Variants in AADAT observed in about 807,000 individuals in gnomAD.
AADAT encodes kynurenine/alpha-aminoadipate aminotransferase, mitochondrial.
Under a neutral mutation model 56.2 loss-of-function variants are expected in AADAT, and 25 were observed. The ratio of observed to expected loss-of-function variants is 0.44; its 90% CI spans 0.32 to 0.62. The LOEUF is 0.62. AADAT is among the 20% of genes least tolerant of loss of function. The pLI, the probability that AADAT is intolerant of heterozygous loss-of-function variation, is 0.04. For synonymous variants in AADAT, 173 were observed against 164.7 expected (o/e 1.05, Z -0.39); for missense variants, 387 against 510.5 (o/e 0.76, Z 2.33).
At position 170,088,465 on chromosome 4, in the gene AADAT, T is replaced by C. The variant is rs1322027631; in HGVS notation, c.167A>G (p.Glu56Gly). 6.2e-7 allele frequency: 1 copy of C among 1,613,582 alleles called. No individual in the cohort carries two copies. Among genetic ancestry groups the C allele is most frequent in the Non-Finnish European group, 8.5e-7 (1 of 1,179,564 alleles). ...FPFKTAVITV[E>G]NGKTIQFGEE... ...TCCAAATTGGATGGTCTTTCCATTT[T>C]CTACAGTGATTACGGCAGTCTTAAA... Residue 56 changes from glutamate (E) to glycine (G), a missense_variant, in exon 2 of 13, where the codon GAA becomes GGA. Physicochemically the swap from Glu to Gly is moderately conservative, Grantham distance 98. Transcript: ENST00000337664.
chr4:170,081,638 GA>G (rs1732319785), intron 3 of AADAT, among the ~76,000 whole-genome samples: 1 of 152,116 alleles, frequency 6.6e-6, no homozygotes, highest in African/African-American at 2.4e-5. Flanking sequence ...TACAGGTCAG[GA>G]AAAAGAGAAA....
At chr4:170,065,969 A>T (rs1302275363) in intron 10 of AADAT, among the ~76,000 whole-genome samples, 1 of 152,220 alleles carries the variant, frequency 6.6e-6, no homozygotes, top group Non-Finnish European at 1.5e-5. Flanking sequence ...ACATTTTGCA[A>T]TCAAGTTAGC....
chr4:170,092,357 C>G (rs527903984), upstream of AADAT, among the ~76,000 whole-genome samples: 170 of 152,252 alleles, frequency 1.1e-3, 1 homozygote, highest in African/African-American at 3.9e-3. Flanking sequence ...CAAATCCAGC[C>G]GAGCTGTCTT....
At chr4:170,080,615 T>C (rs1163108391) in intron 3 of AADAT, among the ~76,000 whole-genome samples, 2 of 152,172 alleles carry the variant, frequency 1.3e-5, no homozygotes, top group Non-Finnish European at 2.9e-5. Context: ...GCAGGAGGAA[T>C]GTTCCAGAGG....
chr4:170,068,570 G>A (rs777630366), intron 8 of AADAT, 21 bp downstream of exon 8: 10 of 1,505,992 alleles, frequency 6.6e-6, no homozygotes, highest in African/African-American at 1.4e-5. Flanking sequence ...AAAAAAAATC[G>A]ATTTCCTAAA....
chr4:170,076,371 A>G lies in AADAT; in HGVS notation c.444+2138T>C, dbSNP rs370709556. On this transcript the variant is annotated intron_variant, in intron 4 of 12. Coordinates refer to ENST00000337664, the MANE Select transcript of AADAT (RefSeq NM_016228.4). ...GAGTCTTGCCAAATAATCAGACTGC[A>G]GGTACAGCAGTCACACATTGTAGAG... 1.8e-4 allele frequency among the ~76,000 whole-genome samples: 28 copies of G among 152,322 alleles called. No homozygotes were observed. In the East Asian group the frequency reaches 5.2e-3, roughly 28 times the overall value.
intron 3 of AADAT, among the ~76,000 whole-genome samples, chr4:170,086,668 T>G (rs1290041846): frequency 6.6e-6 from 1 of 152,240 alleles, no homozygotes; most frequent in Admixed American, 6.5e-5. Flanking sequence ...CAGTGTTCAC[T>G]AAGCTTTTGG....
intron 3 of AADAT, among the ~76,000 whole-genome samples, chr4:170,081,455 G>A (rs954708373): frequency 6.6e-6 from 1 of 152,090 alleles, no homozygotes; most frequent in Non-Finnish European, 1.5e-5. Context: ...ACAGAAGAAG[G>A]TCTGAGAACA....
intron 4 of AADAT, among the ~76,000 whole-genome samples, chr4:170,076,022 T>C (rs1466990688): frequency 1.3e-5 from 2 of 152,248 alleles, no homozygotes; most frequent in African/African-American, 4.8e-5. Flanking sequence ...TTCTACCTTT[T>C]GGCTACTGTA....
chr4:170,060,685 A>C lies in AADAT; in HGVS notation c.*243T>G, dbSNP rs1731149394. 2.8e-6 allele frequency: 1 copy of C among 357,456 alleles called. No individual in the cohort carries two copies. The highest frequency in any genetic ancestry group is 9.4e-5 in the South Asian group (1 of 10,628). 22.1% of individuals were successfully genotyped at this position (357,456 alleles called of 1,614,324 possible). Reference sequence around the variant, plus strand: ...ATACCAGTGTTCATTTCTTCCTGCCAAAACAAGAAATTTATTGGAAAAATC... The same window carrying C: ...ATACCAGTGTTCATTTCTTCCTGCCCAAACAAGAAATTTATTGGAAAAATC... On this transcript the variant is annotated 3_prime_UTR_variant, in exon 13 of 13. Coordinates refer to ENST00000337664, the MANE Select transcript of AADAT (RefSeq NM_016228.4).
chr4:170,087,041 G>A (rs1305073209), intron 3 of AADAT, 75 bp downstream of exon 3: 19 of 1,537,258 alleles, frequency 1.2e-5, no homozygotes, highest in Non-Finnish European at 1.6e-5. Flanking sequence ...AATTCTCTGT[G>A]GTTAAGTGCG....
chr4:170,094,257 T>A (rs185804878), upstream of AADAT, among the ~76,000 whole-genome samples: 11 of 152,228 alleles, frequency 7.2e-5, no homozygotes, highest in East Asian at 1.9e-3. Context: ...CAAGCAAGGG[T>A]TAAGTTGGGA....
chr4:170,068,051 A>C (rs758187637), intron 8 of AADAT, among the ~76,000 whole-genome samples: 2 of 151,538 alleles, frequency 1.3e-5, no homozygotes, highest in Non-Finnish European at 2.9e-5. Flanking sequence ...AGGCAGGAGA[A>C]TCGCTTGAAC....
At chr4:170,066,841 C>T (rs1418842087) in intron 9 of AADAT, among the ~76,000 whole-genome samples, 2 of 152,064 alleles carry the variant, frequency 1.3e-5, no homozygotes, top group East Asian at 1.9e-4. Flanking sequence ...TCTGGGAATG[C>T]GAATACCCCA....
chr4:170,090,615 A>G (rs1302356435), upstream of AADAT: 2 of 152,176 alleles, frequency 1.3e-5, no homozygotes, highest in Non-Finnish European at 2.9e-5. Flanking sequence ...CTTTCGTTAA[A>G]TAAGAATTAT....
At chr4:170,062,468 C>A (rs1731240902) in intron 11 of AADAT, among the ~76,000 whole-genome samples, 1 of 152,062 alleles carries the variant, frequency 6.6e-6, no homozygotes, top group East Asian at 1.9e-4. Context: ...AGAGTAAAGG[C>A]CCTGAGATGG....
At chr4:170,084,083 G>A (rs148788350) in intron 3 of AADAT, among the ~76,000 whole-genome samples, 57 of 152,242 alleles carry the variant, frequency 3.7e-4, no homozygotes, top group African/African-American at 1.3e-3. Context: ...GTCATTTGCA[G>A]CAACATGGAT....
At chr4:170,078,617 A>G (rs752239749) in intron 3 of AADAT, 34 bp from the exon 4 acceptor site, 1 of 1,477,602 alleles carries the variant, frequency 6.8e-7, no homozygotes, top group Admixed American at 1.8e-5. Flanking sequence ...CTTGTTAGTC[A>G]GCATAGGTTA....
Position 170,067,393 on chromosome 4 carries a change from A to G in AADAT, c.901-5T>C, listed in dbSNP as rs777161193. On this transcript the variant is annotated splice_polypyrimidine_tract_variant and splice_region_variant and intron_variant, in intron 8 of 12. Transcript: ENST00000337664. Reference sequence around the variant, plus strand: ...TAGAAGCTGTGATATCATGAGCTAAAAGAGATAAAATCATAAATACCATGT... The same window carrying G: ...TAGAAGCTGTGATATCATGAGCTAAGAGAGATAAAATCATAAATACCATGT... 22 of 1,612,072 alleles carry G rather than the reference A, an allele frequency of 1.4e-5. No individual in the cohort carries two copies. The highest frequency in any genetic ancestry group is 1.9e-5 in the Non-Finnish European group (22 of 1,178,936).
Sources: allele counts gnomAD v4.1 joint callset (sites outside exome capture counted in the v4.1 genomes callset), GRCh38; gene constraint gnomAD v4.1.1; transcripts MANE v1.5; gene names NCBI Gene and HGNC (gene_info 2026-07-23, HGNC 2026-07-21).